RFX7: variants seen among roughly 807,000 people sequenced by gnomAD.
The protein encoded by RFX7 is regulatory factor X7, also known as DNA-binding protein RFX7.
RFX7 carries 26 observed loss-of-function variants against 111.8 expected under a neutral mutation model. The observed-to-expected ratio is 0.23, with a 90% CI of 0.17 to 0.32. The LOEUF is 0.32. RFX7 is among the 10% of genes least tolerant of loss of function. The probability of loss-of-function intolerance (pLI) is 1.00; values close to 1 mark genes in which losing one functional copy is unlikely to be tolerated. For synonymous variants in RFX7, 624 were observed against 624.4 expected, an observed-to-expected ratio of 1.00 and a Z score of 0.01; for missense variants, 1,573 against 1,772.9, an observed-to-expected ratio of 0.89 and a Z score of 2.02.
chr15:56,244,899 T>C (rs1172675755), upstream of RFX7, among the ~76,000 whole-genome samples: 2 of 151,968 alleles, frequency 1.3e-5, no homozygotes, highest in Non-Finnish European at 2.9e-5. Context: ...GAATTGGCTT[T>C]TCTAGGTGGG....
At chr15:56,230,717 T>C (rs751292150) in intron 2 of RFX7, among the ~76,000 whole-genome samples, 9 of 152,218 alleles carry the variant, frequency 5.9e-5, no homozygotes, top group East Asian at 1.9e-4. Flanking sequence ...CTACACACTA[T>C]GAAGTCAAGA....
At chr15:56,146,960 C>T (rs1286515944) in intron 3 of RFX7, among the ~76,000 whole-genome samples, 1 of 152,210 alleles carries the variant, frequency 6.6e-6, no homozygotes, top group African/African-American at 2.4e-5. Context: ...TCATCCACTG[C>T]TAATTAGTGG....
chr15:56,108,393 A>C (rs2041860227), intron 5 of RFX7, among the ~76,000 whole-genome samples: 1 of 152,218 alleles, frequency 6.6e-6, no homozygotes, highest in Non-Finnish European at 1.5e-5. Context: ...AGGTTGGTTC[A>C]ACATATGTAA....
At chr15:56,184,163 G>A (rs1264355950) in intron 2 of RFX7, among the ~76,000 whole-genome samples, 3 of 150,510 alleles carry the variant, frequency 2.0e-5, no homozygotes, top group African/African-American at 2.4e-5. Flanking sequence ...GGGATTAGAG[G>A]CATGTGCCAC....
At chr15:56,163,375 T>C (rs1243706813) in intron 3 of RFX7, among the ~76,000 whole-genome samples, 1 of 152,150 alleles carries the variant, frequency 6.6e-6, no homozygotes, top group African/African-American at 2.4e-5. Context: ...TCAGGAACAC[T>C]TTAGCAGTAA....
chr15:56,125,373 T>C (rs1055717511), intron 5 of RFX7, among the ~76,000 whole-genome samples: 1 of 152,222 alleles, frequency 6.6e-6, no homozygotes, highest in African/African-American at 2.4e-5. Context: ...GGTCTTTTTT[T>C]CTATTTCTGT....
At chr15:56,199,002 GA>G (rs200365866) in intron 2 of RFX7, among the ~76,000 whole-genome samples, 19,660 of 138,068 alleles carry the variant, frequency 0.14, 1,651 homozygotes, top group East Asian at 0.44. Context: ...CTCTGACAAA[GA>G]AAAAAAAAAA....
intron 5 of RFX7, among the ~76,000 whole-genome samples, chr15:56,121,567 C>T (rs2042079190): frequency 6.6e-6 from 1 of 152,104 alleles, no homozygotes; most frequent in African/African-American, 2.4e-5. Flanking sequence ...TGATATCTCT[C>T]TCTAGGTTTT....
At chr15:56,124,354 G>A (rs527863457) in intron 5 of RFX7, among the ~76,000 whole-genome samples, 27 of 151,788 alleles carry the variant, frequency 1.8e-4, no homozygotes, top group African/African-American at 5.8e-4. Context: ...CCCAGGAGGC[G>A]GAGCTTGCAG....
intron 3 of RFX7, among the ~76,000 whole-genome samples, chr15:56,155,706 A>C (rs1455169231): frequency 2.6e-5 from 4 of 152,184 alleles, no homozygotes; most frequent in African/African-American, 9.7e-5. Flanking sequence ...GGGCACATGA[A>C]TACCTATGTA....
In RFX7 at chr15:56,098,321, G is replaced by A. The variant is rs768012612; in HGVS notation, c.867C>T (p.Ser289=). 1 of 1,612,920 alleles carries A rather than the reference G, an allele frequency of 6.2e-7. No homozygotes were observed. Among genetic ancestry groups the A allele is most frequent in the Non-Finnish European group, 8.5e-7 (1 of 1,179,288 alleles). The change falls in exon 9 of 10, where the codon TCC becomes TCT. Residue 289 remains serine (S), a synonymous_variant. Coordinates refer to ENST00000559447, the MANE Select transcript of RFX7 (RefSeq NM_022841.7). ...GCAAAGTCTTCACCTGAGGCTGAAA[G>A]GAATTACTTTCAGCTGTAGGTATAA... The part of the protein sequence containing the change: ...SAFIPTAESN[S]FQPQVKTLPS...
At chr15:56,237,481 G>C (rs2043636479) in intron 2 of RFX7, among the ~76,000 whole-genome samples, 1 of 152,066 alleles carries the variant, frequency 6.6e-6, no homozygotes, top group South Asian at 2.1e-4. Flanking sequence ...CACAATTTTA[G>C]CATGCAATAT....
At chr15:56,166,724 T>A (rs1035924212) in intron 3 of RFX7, among the ~76,000 whole-genome samples, 1 of 152,106 alleles carries the variant, frequency 6.6e-6, no homozygotes, top group African/African-American at 2.4e-5. Flanking sequence ...CATCTTTTAA[T>A]TGATTTCATA....
intron 3 of RFX7, among the ~76,000 whole-genome samples, chr15:56,177,080 C>A (rs1483455190): frequency 5.3e-5 from 8 of 152,160 alleles, no homozygotes; most frequent in Non-Finnish European, 1.0e-4. Flanking sequence ...TTCTCTACTT[C>A]CTTCCGTAAG....
At chr15:56,125,565 G>A (rs117748375) in intron 5 of RFX7, among the ~76,000 whole-genome samples, 3,404 of 150,268 alleles carry the variant, frequency 0.023, 46 homozygotes, top group Non-Finnish European at 0.035. Flanking sequence ...GAAGTCTTTC[G>A]CATCCTTGGT....
intron 2 of RFX7, among the ~76,000 whole-genome samples, chr15:56,215,223 C>T (rs1481702869): frequency 2.0e-5 from 3 of 152,136 alleles, no homozygotes; most frequent in Admixed American, 2.0e-4. Flanking sequence ...ATGTAAATAG[C>T]TGTATCATGT....
At chr15:56,107,321 A>AAAAAAAAAAAC (rs2041844469) in intron 5 of RFX7, among the ~76,000 whole-genome samples, 1 of 147,966 alleles carries the variant, frequency 6.8e-6, no homozygotes, top group Non-Finnish European at 1.5e-5. Context: ...AAAAAAAAAA[A>AAAAAAAAAAAC]AGAAGAAAGA....
chr15:56,164,113 A>C (rs1466537288), intron 3 of RFX7, among the ~76,000 whole-genome samples: 2 of 152,344 alleles, frequency 1.3e-5, no homozygotes, highest in East Asian at 3.9e-4. Context: ...TGCGCAAACA[A>C]GGGTTCAGTG....
chr15:56,210,359 C>T (rs988568794), intron 2 of RFX7, among the ~76,000 whole-genome samples: 1 of 152,014 alleles, frequency 6.6e-6, no homozygotes, highest in African/African-American at 2.4e-5. Context: ...GACTATTACA[C>T]TTGAAGAGTT....
Sources: allele counts gnomAD v4.1 joint callset (sites outside exome capture counted in the v4.1 genomes callset), GRCh38; gene constraint gnomAD v4.1.1; transcripts MANE v1.5; gene names NCBI Gene and HGNC (gene_info 2026-07-23, HGNC 2026-07-21).